Variants in ZFYVE16 observed in about 807,000 individuals in gnomAD.
ZFYVE16 encodes zinc finger FYVE-type containing 16.
In ZFYVE16, 89 loss-of-function variants were observed where a neutral mutation model predicts 138.1. The observed-to-expected ratio is 0.64, with a 90% confidence interval of 0.54 to 0.77. The LOEUF (loss-of-function observed/expected upper bound fraction) is 0.77, where lower values mean the gene tolerates loss of function less well. ZFYVE16 is among the 30% of genes least tolerant of loss of function. ZFYVE16 has a pLI of 0.00. For synonymous variants in ZFYVE16, 596 were observed against 618.3 expected (o/e 0.96, Z 0.53); for missense variants, 1,793 against 1,786.7 (o/e 1.00, Z -0.06).
intron 1 of ZFYVE16, among the ~76,000 whole-genome samples, chr5:80,416,093 C>A (rs893589392): frequency 6.6e-6 from 1 of 152,016 alleles, no homozygotes; most frequent in Non-Finnish European, 1.5e-5. Flanking sequence ...AGTCACTGTG[C>A]GCTGCACACT....
chr5:80,470,393 A>T (rs2112540853), intron 15 of ZFYVE16, among the ~76,000 whole-genome samples: 1 of 152,002 alleles, frequency 6.6e-6, no homozygotes, highest in East Asian at 1.9e-4. Flanking sequence ...GAGCCACCGC[A>T]CCCAGACTCT....
chr5:80,457,958 G>A (rs933065739), intron 14 of ZFYVE16, among the ~76,000 whole-genome samples: 11 of 151,058 alleles, frequency 7.3e-5, no homozygotes, highest in Non-Finnish European at 1.5e-4. Context: ...CCCGGGAGGC[G>A]GAGCTTGCAG....
intron 5 of ZFYVE16, chr5:80,440,688 G>A (rs1750592705): frequency 1.0e-6 from 1 of 982,656 alleles, no homozygotes; most frequent in Non-Finnish European, 1.2e-6. Context: ...GTGTGTGTGT[G>A]TGTGTGTGTG....
At chr5:80,446,817 C>A (rs1014676133) in intron 7 of ZFYVE16, among the ~76,000 whole-genome samples, 1 of 151,994 alleles carries the variant, frequency 6.6e-6, no homozygotes, top group African/African-American at 2.4e-5. Context: ...ATATAGAATC[C>A]AGATCACTAA....
intron 6 of ZFYVE16, 137 bp from the exon 7 acceptor site, chr5:80,445,126 A>T: frequency 2.3e-6 from 2 of 865,026 alleles, no homozygotes; most frequent in Non-Finnish European, 3.5e-6. Context: ...CCATTTCTCT[A>T]GATCTTTGTA....
intron 1 of ZFYVE16, among the ~76,000 whole-genome samples, chr5:80,408,601 G>A (rs1267573107): frequency 6.6e-6 from 1 of 152,196 alleles, no homozygotes; most frequent in Non-Finnish European, 1.5e-5. Context: ...CATCGCCGCC[G>A]GTGCTCTCGC....
In ZFYVE16 at chr5:80,434,096, T is replaced by G; in HGVS notation, c.-39-13T>G. The G allele has an allele frequency of 6.6e-7, 1 of 1,512,464 alleles. No homozygotes were observed. Among genetic ancestry groups the G allele is most frequent in the Middle Eastern group, 1.9e-4 (1 of 5,368 alleles). The allele number at this position is 1,512,464 out of a possible 1,614,324, so 93.7% of individuals were successfully genotyped here. The stretch of plus-strand genomic sequence containing the variant: ...TAATTAAATGAAATATTATTATACT[T>G]TCTATTTTTTAGGCATACAAGAATT... On this transcript the variant is annotated splice_polypyrimidine_tract_variant and intron_variant, in intron 2 of 18. Transcript: ENST00000505560.
At chr5:80,455,453 G>T (rs1287831050) in intron 11 of ZFYVE16, 1 of 410,478 alleles carries the variant, frequency 2.4e-6, no homozygotes, top group Non-Finnish European at 4.4e-6. Flanking sequence ...AGAATTACTT[G>T]AACCCAGGAA....
intron 15 of ZFYVE16, among the ~76,000 whole-genome samples, chr5:80,464,397 C>G (rs945936380): frequency 6.6e-6 from 1 of 152,094 alleles, no homozygotes; most frequent in Non-Finnish European, 1.5e-5. Context: ...CTTGCAAGAA[C>G]TGTCTCATTA....
intron 15 of ZFYVE16, among the ~76,000 whole-genome samples, chr5:80,468,675 T>C (rs1037398947): frequency 2.0e-5 from 3 of 152,234 alleles, no homozygotes; most frequent in African/African-American, 7.2e-5. Context: ...CTTTACCTTA[T>C]AGATTTTATT....
At chr5:80,439,067 T>C (rs1750359716) in intron 4 of ZFYVE16, 60 bp downstream of exon 4, 3 of 1,477,332 alleles carry the variant, frequency 2.0e-6, no homozygotes, top group Non-Finnish European at 2.7e-6. Flanking sequence ...ACAAATACAA[T>C]GTGATAGAAA....
intron 2 of ZFYVE16, 65 bp downstream of exon 2, chr5:80,427,610 C>CTTTTTTTTTTT: frequency 1.6e-4 from 8 of 50,014 alleles, no homozygotes; most frequent in Non-Finnish European, 2.5e-4. Context: ...CTGTCGTATG[C>CTTTTTTTTTTT]TTTTTTTTTT....
At chr5:80,461,335 C>T (rs1167521819) in intron 15 of ZFYVE16, among the ~76,000 whole-genome samples, 1 of 152,218 alleles carries the variant, frequency 6.6e-6, no homozygotes, top group East Asian at 1.9e-4. Context: ...AATCAGTAGT[C>T]AGTCACATTA....
chr5:80,416,811 A>G (rs1746326243), intron 1 of ZFYVE16, among the ~76,000 whole-genome samples: 1 of 152,086 alleles, frequency 6.6e-6, no homozygotes, highest in Non-Finnish European at 1.5e-5. Context: ...GGAGAATTTT[A>G]TTAGAAACCA....
chr5:80,411,134 A>ATT (rs58086060), intron 1 of ZFYVE16, among the ~76,000 whole-genome samples: 1,219 of 95,198 alleles, frequency 0.013, 37 homozygotes, highest in Middle Eastern at 0.031. Flanking sequence ...CGCCCAGCTA[A>ATT]TTTTTTTTTT....
Position 80,482,586 on chromosome 5 carries a change from CAGCAAATCCCAAAA to C in ZFYVE16, c.*5212_*5225del, listed in dbSNP as rs1336155734. 1 of 152,170 alleles carries C rather than the reference CAGCAAATCCCAAAA, an allele frequency of 6.6e-6. No individual in the cohort carries two copies. The highest frequency in any genetic ancestry group is 1.5e-5 in the Non-Finnish European group (1 of 68,030). The allele number at this position is 152,170 out of a possible 1,614,324, so 9.4% of individuals were successfully genotyped here. On this transcript the variant is annotated 3_prime_UTR_variant, in exon 19 of 19. Coordinates refer to ENST00000505560, the MANE Select transcript of ZFYVE16 (RefSeq NM_001284236.3). ...TCTATTTAAAGCCGGTCTGCTGGCACAGCAAATCCCAAAAAGGAAAACCACACCCAGGCACGTCA... is the reference window on the plus strand; with the variant it reads ...TCTATTTAAAGCCGGTCTGCTGGCACAGGAAAACCACACCCAGGCACGTCA...
intron 1 of ZFYVE16, among the ~76,000 whole-genome samples, chr5:80,411,134 ATTTTTTT>A (rs58086060): frequency 9.4e-5 from 9 of 95,244 alleles, no homozygotes; most frequent in South Asian, 4.0e-4. Flanking sequence ...CGCCCAGCTA[ATTTTTTT>A]TTTTTTTTTT....
intron 1 of ZFYVE16, among the ~76,000 whole-genome samples, chr5:80,417,772 GT>G (rs1746477889): frequency 6.6e-6 from 1 of 152,174 alleles, no homozygotes; most frequent in African/African-American, 2.4e-5. Context: ...GAATAAACCT[GT>G]TTATATGCAT....
intron 3 of ZFYVE16, 73 bp from the exon 4 acceptor site, chr5:80,436,683 T>G: frequency 7.4e-7 from 1 of 1,354,578 alleles, no homozygotes; most frequent in Non-Finnish European, 1.0e-6. Context: ...TTTAGAAGTC[T>G]TGGGAAACAT....
Sources: allele counts gnomAD v4.1 joint callset (sites outside exome capture counted in the v4.1 genomes callset), GRCh38; gene constraint gnomAD v4.1.1; transcripts MANE v1.5; gene names NCBI Gene and HGNC (gene_info 2026-07-23, HGNC 2026-07-21).